Variants in DPP6 observed in about 807,000 individuals in gnomAD.
The protein encoded by DPP6 is A-type potassium channel modulatory protein DPP6.
DPP6 carries 69 observed loss-of-function variants against 122.6 expected under a neutral mutation model. The ratio of observed to expected loss-of-function variants is 0.56; its 90% CI spans 0.46 to 0.69. DPP6 has a LOEUF of 0.69. Ranked by LOEUF, DPP6 falls within the 30% of genes least tolerant of loss-of-function variation. The probability of loss-of-function intolerance (pLI) is 0.00; values close to 1 mark genes in which losing one functional copy is unlikely to be tolerated. For missense variants in DPP6, 928 were observed against 1,116.9 expected (o/e 0.83, Z 2.41); for synonymous variants, 418 against 433.1 (o/e 0.97, Z 0.43).
intron 1 of DPP6, among the ~76,000 whole-genome samples, chr7:154,306,792 T>C (rs1202094647): frequency 6.6e-6 from 1 of 152,206 alleles, no homozygotes; most frequent in Non-Finnish European, 1.5e-5. Flanking sequence ...AATTTTTATA[T>C]TCAGTGTGAC....
At chr7:154,182,925 C>G (rs193283723) in intron 1 of DPP6, among the ~76,000 whole-genome samples, 6 of 152,284 alleles carry the variant, frequency 3.9e-5, no homozygotes, top group Non-Finnish European at 8.8e-5. Context: ...CCTGAGCCCT[C>G]CTTTCTCACT....
At chr7:154,263,993 G>T (rs1163399041) in intron 1 of DPP6, among the ~76,000 whole-genome samples, 1 of 152,104 alleles carries the variant, frequency 6.6e-6, no homozygotes, top group Non-Finnish European at 1.5e-5. Context: ...ACCCAACCTT[G>T]TTATGTTCTT....
intron 16 of DPP6, among the ~76,000 whole-genome samples, chr7:154,827,201 C>CAT (rs1800227823): frequency 6.7e-6 from 1 of 149,700 alleles, no homozygotes; most frequent in African/African-American, 2.5e-5. Context: ...CCCTCCCAGA[C>CAT]ACACACACAC....
rs562860918 is a variant in DPP6 at position 154,238,524 on chromosome 7, C to T, written c.243+185461C>T. On this transcript the variant is annotated intron_variant, in intron 1 of 25. Transcript: ENST00000377770. Reference sequence around the variant, plus strand: ...TGATTTAAGTAACACGATAGCCTAACAAGGAAGCACAGCAGCACTATTGTT... The same window carrying T: ...TGATTTAAGTAACACGATAGCCTAATAAGGAAGCACAGCAGCACTATTGTT... Among the ~76,000 whole-genome samples the T allele has an allele frequency of 4.6e-5, 7 of 152,276 alleles. 1 individual carries two copies. In the South Asian group the frequency reaches 1.2e-3, roughly 27 times the overall value.
At chr7:154,678,373 A>G (rs7802032) in intron 7 of DPP6, among the ~76,000 whole-genome samples, 151,434 of 152,330 alleles carry the variant, frequency 0.99, 75,278 homozygotes, top group East Asian at 1. Flanking sequence ...AAAGGTCTGC[A>G]GCTTCACTTC....
chr7:154,044,029 A>G (rs1272212315), intron 1 of DPP6, among the ~76,000 whole-genome samples: 1 of 150,690 alleles, frequency 6.6e-6, no homozygotes, highest in Non-Finnish European at 1.5e-5. Context: ...CGGGGCACAA[A>G]CAGGACCCAC....
At chr7:154,017,958 G>A (rs1232487191) in intron 1 of DPP6, among the ~76,000 whole-genome samples, 1 of 152,104 alleles carries the variant, frequency 6.6e-6, no homozygotes, top group Non-Finnish European at 1.5e-5. Flanking sequence ...ATATTGAAAT[G>A]TCCACCTGAA....
At chr7:154,663,931 A>C (rs1837956225) in intron 6 of DPP6, among the ~76,000 whole-genome samples, 1 of 103,158 alleles carries the variant, frequency 9.7e-6, no homozygotes, top group Non-Finnish European at 2.4e-5. Context: ...CATAGTGTTC[A>C]TGTAGTCAAG....
intron 1 of DPP6, among the ~76,000 whole-genome samples, chr7:154,296,196 G>A (rs1323384859): frequency 1.3e-5 from 2 of 151,886 alleles, no homozygotes; most frequent in Admixed American, 6.6e-5. Flanking sequence ...CGCCTGCCTC[G>A]GCCTCGCAAA....
At chr7:154,300,552 G>A (rs920227681) in intron 1 of DPP6, among the ~76,000 whole-genome samples, 1 of 152,196 alleles carries the variant, frequency 6.6e-6, no homozygotes, top group African/African-American at 2.4e-5. Context: ...GACTTGAGAC[G>A]TCTTAAACTT....
intron 8 of DPP6, among the ~76,000 whole-genome samples, chr7:154,737,471 AT>A (rs776766947): frequency 1.3e-5 from 2 of 152,148 alleles, no homozygotes; most frequent in Admixed American, 6.5e-5. Flanking sequence ...TATTTGTAAT[AT>A]TTTTTATGGT....
the DPP6 span, among the ~76,000 whole-genome samples, chr7:153,774,512 A>C: frequency 6.6e-6 from 1 of 152,200 alleles, no homozygotes; most frequent in Non-Finnish European, 1.5e-5. Context: ...ACAAAAGGTT[A>C]ACCATGAATC....
chr7:154,003,669 G>A (rs1243936796), intron 1 of DPP6, among the ~76,000 whole-genome samples: 1 of 151,862 alleles, frequency 6.6e-6, no homozygotes, highest in Admixed American at 6.5e-5. Context: ...ATGATCTGGG[G>A]TGTGCCTCAC....
the DPP6 span, among the ~76,000 whole-genome samples, chr7:153,851,080 C>T: frequency 1.3e-5 from 2 of 152,086 alleles, no homozygotes; most frequent in African/African-American, 2.4e-5. Context: ...TATATTTTCC[C>T]GACAATGTCT....
chr7:154,185,905 G>A (rs995678928), intron 1 of DPP6, among the ~76,000 whole-genome samples: 1 of 152,224 alleles, frequency 6.6e-6, no homozygotes, highest in African/African-American at 2.4e-5. Flanking sequence ...ATTAAAGCAT[G>A]TGTATAGTAT....
chr7:153,863,086 G>A, the DPP6 span, among the ~76,000 whole-genome samples: 1 of 152,040 alleles, frequency 6.6e-6, no homozygotes, highest in African/African-American at 2.4e-5. Context: ...ATGTATACTT[G>A]CTAACCGATC....
intron 1 of DPP6, among the ~76,000 whole-genome samples, chr7:154,035,905 A>C (rs1012822482): frequency 1.3e-5 from 2 of 151,990 alleles, no homozygotes; most frequent in Admixed American, 6.5e-5. Flanking sequence ...AACGTAAAGT[A>C]CTTAAAAAAT....
intron 1 of DPP6, among the ~76,000 whole-genome samples, chr7:154,137,666 G>GGGT (rs1312387502): frequency 2.0e-5 from 2 of 100,454 alleles, no homozygotes; most frequent in Admixed American, 1.0e-4. Context: ...GGTGGGGGGG[G>GGGT]TGGGGCGAGC....
intron 16 of DPP6, among the ~76,000 whole-genome samples, chr7:154,831,851 A>G (rs1444928440): frequency 6.6e-6 from 1 of 152,180 alleles, no homozygotes; most frequent in Non-Finnish European, 1.5e-5. Flanking sequence ...TTGTCCTGTC[A>G]GTTAGAGCAC....
Sources: allele counts gnomAD v4.1 joint callset (sites outside exome capture counted in the v4.1 genomes callset), GRCh38; gene constraint gnomAD v4.1.1; transcripts MANE v1.5; gene names NCBI Gene and HGNC (gene_info 2026-07-23, HGNC 2026-07-21).